The following AKR7A3 variants were observed in gnomAD, a reference collection of about 807,000 sequenced individuals.
AKR7A3 encodes the protein AFB1 aldehyde reductase 2.
A neutral mutation model predicts 32.5 loss-of-function variants in AKR7A3; 37 were observed. The ratio of observed to expected loss-of-function variants is 1.14; its 90% confidence interval spans 0.88 to 1.50. AKR7A3 has a LOEUF of 1.50. Ranked by LOEUF, AKR7A3 falls within the 40% of genes most tolerant of loss-of-function variation. The pLI is 0.00. For synonymous variants in AKR7A3, 177 were observed against 188.4 expected, an observed-to-expected ratio of 0.94 and a Z score of 0.50; for missense variants, 412 against 453.2, an observed-to-expected ratio of 0.91 and a Z score of 0.83.
Position 19,284,737 on chromosome 1 carries a change from T to C in AKR7A3, c.653A>G (p.Gln218Arg), listed in dbSNP as rs1443491802. 3.1e-6 allele frequency: 5 copies of C among 1,613,876 alleles called. No homozygotes were observed. Among genetic ancestry groups the C allele is most frequent in the Non-Finnish European group, 4.2e-6 (5 of 1,180,010 alleles). ...KYKYEDKNGK[Q>R]PVGRFFGNTW... ...ATTCCCAAAGAAGCGGCCCACGGGC[T>C]GTTTCCCATTCTTGTCCTCATACTT... Residue 218 changes from glutamine (Q) to arginine (R), a missense_variant, in exon 5 of 7, where the codon CAG (glutamine) becomes CGG (arginine). By Grantham distance (43) the Gln-to-Arg change is conservative (BLOSUM62 1). Coordinates refer to ENST00000361640, the MANE Select transcript of AKR7A3 (RefSeq NM_012067.3).
downstream of AKR7A3, chr1:19,282,469 TAC>T (rs768020653): frequency 8.8e-5 from 49 of 558,808 alleles, no homozygotes; most frequent in Non-Finnish European, 1.4e-4. Context: ...CACCCCCTTG[TAC>T]AGACTGCAGA....
the AKR7A3 span, chr1:19,274,308 C>G: frequency 1.3e-6 from 1 of 748,404 alleles, no homozygotes; most frequent in Non-Finnish European, 1.9e-6. Context: ...GCTGTGGCTT[C>G]GTACCGGTGA....
At chr1:19,285,192 T>A (rs1569653233) in intron 3 of AKR7A3, 78 bp from the exon 4 acceptor site, 1 of 1,345,430 alleles carries the variant, frequency 7.4e-7, no homozygotes. Context: ...CCAGAACCCT[T>A]ATTTCAGACC....
At position 19,282,931 on chromosome 1, in the gene AKR7A3, G is replaced by C. The variant is rs763404308; in HGVS notation, c.835-39C>G. ...GGCCAGACTTCAACCCTCTTCTGCT[G>C]CACAGCGACTCTACTCACAGCCGTC... On this transcript the variant is annotated intron_variant, in intron 6 of 6. Transcript: ENST00000361640. 3.1e-6 allele frequency: 5 copies of C among 1,593,896 alleles called. No homozygotes were observed. The African/African-American group carries it at 6.8e-5, about 22-fold the overall frequency.
chr1:19,283,347 C>T (rs1352038308), intron 6 of AKR7A3, among the ~76,000 whole-genome samples: 1 of 151,824 alleles, frequency 6.6e-6, no homozygotes, highest in Non-Finnish European at 1.5e-5. Context: ...CTCCAGCTCC[C>T]ACCAAAAGGA....
chr1:19,282,134 CT>C (rs1282137098), downstream of AKR7A3, among the ~76,000 whole-genome samples: 4 of 151,732 alleles, frequency 2.6e-5, no homozygotes, highest in African/African-American at 9.7e-5. Context: ...GGGGGTGGTA[CT>C]GGTACAATGA....
chr1:19,282,208 G>T (rs143956360), downstream of AKR7A3, among the ~76,000 whole-genome samples: 1 of 151,938 alleles, frequency 6.6e-6, no homozygotes, highest in Non-Finnish European at 1.5e-5. Context: ...AATGTTAGAG[G>T]TGAGCCTGGT....
At chr1:19,274,518 T>A in the AKR7A3 span, among the ~76,000 whole-genome samples, 2 of 151,730 alleles carry the variant, frequency 1.3e-5, no homozygotes, top group African/African-American at 4.9e-5. Context: ...GTAAGGGCTG[T>A]CCTGCCTGCC....
At chr1:19,278,381 A>G (rs1040942769), downstream of AKR7A3, among the ~76,000 whole-genome samples, 2 of 151,732 alleles carry the variant, frequency 1.3e-5, no homozygotes, top group African/African-American at 2.4e-5. Flanking sequence ...ACATGATGAA[A>G]CCGCATCTCT....
chr1:19,274,770 G>A, the AKR7A3 span, among the ~76,000 whole-genome samples: 1 of 149,324 alleles, frequency 6.7e-6, no homozygotes, highest in South Asian at 2.1e-4. Flanking sequence ...ACATAGGGAG[G>A]CCCTGTCTCA....
chr1:19,281,690 TTA>T (rs1267103816), downstream of AKR7A3, among the ~76,000 whole-genome samples: 1 of 151,884 alleles, frequency 6.6e-6, no homozygotes, highest in East Asian at 1.9e-4. Flanking sequence ...TGGACAAAGA[TTA>T]TGTTGAATTT....
chr1:19,284,838 A>C (rs2093726370), intron 4 of AKR7A3, 53 bp from the exon 5 acceptor site: 1 of 1,594,142 alleles, frequency 6.3e-7, no homozygotes, highest in African/African-American at 1.4e-5. Context: ...AGAAGCTGCC[A>C]CATCCCTCAG....
At chr1:19,285,190 C>T (rs2093727436) in intron 3 of AKR7A3, 76 bp from the exon 4 acceptor site, 1 of 1,371,062 alleles carries the variant, frequency 7.3e-7, no homozygotes, top group Non-Finnish European at 1.0e-6. Context: ...TTCCAGAACC[C>T]TTATTTCAGA....
downstream of AKR7A3, chr1:19,282,483 T>C (rs1010559489): frequency 1.3e-5 from 8 of 607,700 alleles, no homozygotes; most frequent in Middle Eastern, 4.8e-4. Flanking sequence ...GACTGCAGAG[T>C]GGTGAGCCAA....
chr1:19,284,885 G>T, intron 4 of AKR7A3, 100 bp from the exon 5 acceptor site: 2 of 1,565,032 alleles, frequency 1.3e-6, no homozygotes, highest in East Asian at 2.2e-5. Flanking sequence ...ACCCAGGAGG[G>T]CTGAAGATGC....
chr1:19,285,040 G>A lies in AKR7A3; in HGVS notation c.582C>T (p.Phe194=). 2 of 1,612,974 alleles carry A rather than the reference G, an allele frequency of 1.2e-6. No individual in the cohort carries two copies. Among genetic ancestry groups the A allele is most frequent in the Non-Finnish European group, 8.5e-7 (1 of 1,179,862 alleles). Residue 194 remains phenylalanine (F), a synonymous_variant, in exon 4 of 7, where the codon TTC becomes TTT. Coordinates refer to ENST00000361640, the MANE Select transcript of AKR7A3 (RefSeq NM_012067.3). ...TACCAGCCAGAGGGTTGAAGGCATA[G>A]AACCTCAGTCCAAAGTGCCTGAGGC... ...FPCLRHFGLR[F]YAFNPLAGGL...
At chr1:19,280,571 T>C (rs2093717262), downstream of AKR7A3, among the ~76,000 whole-genome samples, 1 of 150,416 alleles carries the variant, frequency 6.6e-6, no homozygotes, top group African/African-American at 2.5e-5. Context: ...TCGTTTCTTT[T>C]CTTTTCTTTT....
At chr1:19,284,990 G>A in intron 4 of AKR7A3, 28 bp downstream of exon 4, 1 of 1,611,902 alleles carries the variant, frequency 6.2e-7, no homozygotes. Flanking sequence ...GGAATAGGCT[G>A]AGACAGGGCC....
downstream of AKR7A3, among the ~76,000 whole-genome samples, chr1:19,282,212 G>A (rs1472317300): frequency 6.6e-6 from 1 of 151,812 alleles, no homozygotes; most frequent in Non-Finnish European, 1.5e-5. Context: ...TTAGAGGTGA[G>A]CCTGGTGGGA....
Sources: gnomAD v4.1 joint callset for allele counts (sites outside exome capture counted in the v4.1 genomes callset) on GRCh38, gnomAD v4.1.1 for gene constraint, MANE v1.5 for transcripts, NCBI Gene and HGNC (gene_info 2026-07-23, HGNC 2026-07-21) for gene names.